The following MKLN1 variants were observed in gnomAD, a reference collection of about 807,000 sequenced individuals.
MKLN1 encodes the protein muskelin 1.
A neutral mutation model predicts 99.0 loss-of-function variants in MKLN1; 18 were observed. The observed-to-expected ratio is 0.18, with a 90% confidence interval of 0.13 to 0.27. The LOEUF is 0.27. Among genes scored for constraint, MKLN1 ranks in the 10% least tolerant of loss-of-function variants. The pLI is 1.00. For synonymous variants in MKLN1, 288 were observed against 293.2 expected, an observed-to-expected ratio of 0.98 and a Z score of 0.18; for missense variants, 621 against 875.9, an observed-to-expected ratio of 0.71 and a Z score of 3.67.
chr7:131,213,278 G>A (rs182818027), intron 3 of MKLN1, among the ~76,000 whole-genome samples: 2 of 152,146 alleles, frequency 1.3e-5, no homozygotes, highest in East Asian at 1.9e-4. Context: ...TTATATTGCA[G>A]CCCAAAGAAC....
At chr7:131,153,947 G>T (rs1228097317) in intron 2 of MKLN1, among the ~76,000 whole-genome samples, 1 of 152,054 alleles carries the variant, frequency 6.6e-6, no homozygotes, top group Non-Finnish European at 1.5e-5. Flanking sequence ...ATAGGCATGA[G>T]CCACTGCACC....
At chr7:131,409,921 G>T (rs769089252) in intron 6 of MKLN1, among the ~76,000 whole-genome samples, 2 of 152,024 alleles carry the variant, frequency 1.3e-5, no homozygotes, top group Non-Finnish European at 2.9e-5. Flanking sequence ...CGACAAATTT[G>T]CTTTAATATT....
At chr7:131,375,574 C>T (rs1337214126) in intron 2 of MKLN1, 81 bp downstream of exon 2, 1 of 792,660 alleles carries the variant, frequency 1.3e-6, no homozygotes, top group Non-Finnish European at 2.1e-6. Context: ...TATCTGGAAT[C>T]TACTAATAGT....
chr7:131,387,188 T>A lies in MKLN1; in HGVS notation c.237T>A (p.Thr79=). The change falls in exon 3 of 18, where the codon ACT becomes ACA. Residue 79 remains threonine (T), a synonymous_variant. Transcript: ENST00000352689. The part of the protein sequence containing the change: ...QNITFGKYEK[T]HVCNLKKFKV... ...TCACATTTGGAAAATATGAGAAAAC[T>A]CATGTTTGCAATTTGAAGAAATTTA... is the stretch of plus-strand genomic sequence containing the variant. 1 of 1,612,098 alleles carries A rather than the reference T, an allele frequency of 6.2e-7. No individual in the cohort carries two copies.
At chr7:131,185,637 G>A (rs1796439243) in intron 2 of MKLN1, among the ~76,000 whole-genome samples, 1 of 152,040 alleles carries the variant, frequency 6.6e-6, no homozygotes, top group East Asian at 1.9e-4. Context: ...TTTATGCTGA[G>A]TCACTCAAGC....
At chr7:131,364,678 G>A (rs1405873516) in intron 1 of MKLN1, among the ~76,000 whole-genome samples, 1 of 151,934 alleles carries the variant, frequency 6.6e-6, no homozygotes, top group Non-Finnish European at 1.5e-5. Context: ...GCTTCTTTGT[G>A]TTCATAAGTT....
chr7:131,393,281 G>A (rs185629033), intron 4 of MKLN1, among the ~76,000 whole-genome samples: 10 of 152,244 alleles, frequency 6.6e-5, no homozygotes, highest in Admixed American at 4.6e-4. Context: ...CAAAGAACAC[G>A]TGCCTGGAGC....
intron 3 of MKLN1, among the ~76,000 whole-genome samples, chr7:131,291,101 T>TTTTATTTTATTTTATTTATTTA (rs550977388): frequency 7.4e-6 from 1 of 134,842 alleles, no homozygotes; most frequent in Non-Finnish European, 1.6e-5. Flanking sequence ...TCTCATTTTA[T>TTTTATTTTATTTTATTTATTTA]TTTATTTATT....
At chr7:131,202,248 C>T (rs1796740034) in intron 2 of MKLN1, among the ~76,000 whole-genome samples, 3 of 143,716 alleles carry the variant, frequency 2.1e-5, no homozygotes, top group African/African-American at 7.8e-5. Flanking sequence ...CAACCTCTGC[C>T]TCCCGAGTTC....
intron 1 of MKLN1, among the ~76,000 whole-genome samples, chr7:131,120,922 C>T (rs1459791561): frequency 6.6e-6 from 1 of 152,194 alleles, no homozygotes; most frequent in Non-Finnish European, 1.5e-5. Context: ...ATCTTTATAG[C>T]AATACCCCAA....
chr7:131,331,771 G>A (rs1310499887), intron 1 of MKLN1, among the ~76,000 whole-genome samples: 1 of 152,180 alleles, frequency 6.6e-6, no homozygotes, highest in Non-Finnish European at 1.5e-5. Context: ...GGTTAGAACA[G>A]CAAGAGAGGG....
chr7:131,326,462 G>A (rs371728517), upstream of MKLN1, among the ~76,000 whole-genome samples: 24 of 152,074 alleles, frequency 1.6e-4, no homozygotes, highest in South Asian at 3.3e-3. Flanking sequence ...CTTGTGCCTC[G>A]GCCTCCCAAG....
In MKLN1 at chr7:131,490,224, A is replaced by AT. The variant is rs1797391486; in HGVS notation, c.*2498dup. 2 of 152,616 alleles carry AT rather than the reference A, an allele frequency of 1.3e-5. No homozygotes were observed. The highest frequency in any genetic ancestry group is 4.1e-4 in the South Asian group (2 of 4,832). The allele number at this position is 152,616 out of a possible 1,614,324, so 9.5% of individuals were successfully genotyped here. ...GTATATGCTTTACTACCTAACAATT[A>AT]TTCTAGCCTAGGTGAATCCCTAATT... On this transcript the variant is annotated 3_prime_UTR_variant, in exon 18 of 18. Coordinates refer to ENST00000352689, the MANE Select transcript of MKLN1 (RefSeq NM_013255.5).
At chr7:131,137,925 CTTTTT>C (rs58860730) in intron 1 of MKLN1, among the ~76,000 whole-genome samples, 4 of 118,742 alleles carry the variant, frequency 3.4e-5, no homozygotes, top group Admixed American at 9.2e-5. Context: ...TCTTTCTTTA[CTTTTT>C]TTTTTTTTTT....
At chr7:131,382,940 G>A (rs564950686) in intron 2 of MKLN1, among the ~76,000 whole-genome samples, 17 of 152,028 alleles carry the variant, frequency 1.1e-4, no homozygotes, top group African/African-American at 4.1e-4. Flanking sequence ...AGCTAGGATG[G>A]TCTCGATCTC....
At chr7:131,219,234 T>TAAAAA (rs5887501) in intron 3 of MKLN1, among the ~76,000 whole-genome samples, 1 of 150,074 alleles carries the variant, frequency 6.7e-6, no homozygotes. Context: ...TTAAAAATGT[T>TAAAAA]AAAAAAAAAA....
At chr7:131,460,386 G>C (rs1796480316) in intron 12 of MKLN1, among the ~76,000 whole-genome samples, 1 of 147,748 alleles carries the variant, frequency 6.8e-6, no homozygotes, top group Admixed American at 6.7e-5. Context: ...TTTTCCAGTA[G>C]GTTTCTCTCA....
chr7:131,191,431 A>AC (rs1796539743), intron 2 of MKLN1, among the ~76,000 whole-genome samples: 1 of 152,220 alleles, frequency 6.6e-6, no homozygotes, highest in Non-Finnish European at 1.5e-5. Context: ...ACACCAATGA[A>AC]CCAGCTCCAA....
chr7:131,326,637 G>A (rs534342554), upstream of MKLN1, among the ~76,000 whole-genome samples: 36 of 152,322 alleles, frequency 2.4e-4, no homozygotes, highest in Admixed American at 1.2e-3. Flanking sequence ...GAGCCACCGT[G>A]CCGGGCCTGG....
Sources: allele counts gnomAD v4.1 joint callset (sites outside exome capture counted in the v4.1 genomes callset), GRCh38; gene constraint gnomAD v4.1.1; transcripts MANE v1.5; gene names NCBI Gene and HGNC (gene_info 2026-07-23, HGNC 2026-07-21).